RASGEF1A: variants seen among roughly 807,000 people sequenced by gnomAD.
The protein encoded by RASGEF1A is RasGEF domain family member 1A.
RASGEF1A carries 18 observed loss-of-function variants against 56.4 expected under a neutral mutation model. That is an observed-to-expected ratio of 0.32 (90% confidence interval 0.22 to 0.47). The LOEUF is 0.47. Among genes scored for constraint, RASGEF1A ranks in the 20% least tolerant of loss-of-function variants. RASGEF1A has a pLI of 1.00. For missense variants in RASGEF1A, 422 were observed against 627.1 expected (o/e 0.67, Z 3.49); for synonymous variants, 245 against 242.6 (o/e 1.01, Z -0.09).
rs1839781149 is a variant in RASGEF1A at position 43,195,349 on chromosome 10, G to A, written c.*895C>T. 1 of 152,224 alleles carries A rather than the reference G, an allele frequency of 6.6e-6. No individual in the cohort carries two copies. The highest frequency in any genetic ancestry group is 2.4e-5 in the African/African-American group (1 of 41,450). The allele number at this position is 152,224 out of a possible 1,614,324, so 9.4% of individuals were successfully genotyped here. On this transcript the variant is annotated 3_prime_UTR_variant, in exon 13 of 13. Transcript: ENST00000395810. The surrounding 1 kb of genome is among the most constrained non-coding windows in gnomAD (Gnocchi z 4.2). ...CAATTAGGGCGCTGCCTACCCAGGT[G>A]GGAAGAGGGCTGTTGGCTGCCCTCC...
chr10:43,257,907 A>G (rs1836452513), intron 1 of RASGEF1A, among the ~76,000 whole-genome samples: 1 of 152,234 alleles, frequency 6.6e-6, no homozygotes, highest in African/African-American at 2.4e-5. Context: ...GCTCTGGCCG[A>G]GGCAGACAGC....
rs1839798868 is a variant in RASGEF1A, at chr10:43,196,419, C to T, written c.1421+57G>A. 6.3e-7 allele frequency: 1 copy of T among 1,575,380 alleles called. No individual in the cohort carries two copies. The highest frequency in any genetic ancestry group is 1.7e-5 in the Admixed American group (1 of 59,918). ...CCTTTCCAGGAGGGTAACCCTCGTGCCCACCCTGAGTCCTCCCTCTTCCTT... is the reference window on the plus strand; with the variant it reads ...CCTTTCCAGGAGGGTAACCCTCGTGTCCACCCTGAGTCCTCCCTCTTCCTT... On this transcript the variant is annotated intron_variant, in intron 12 of 12. Coordinates refer to ENST00000395810, the MANE Select transcript of RASGEF1A (RefSeq NM_145313.4). The surrounding 1 kb of genome is among the most constrained non-coding windows in gnomAD (Gnocchi z 4.6).
At chr10:43,248,357 C>G (rs1461611219) in intron 1 of RASGEF1A, among the ~76,000 whole-genome samples, 1 of 100,246 alleles carries the variant, frequency 1.0e-5, no homozygotes, top group Admixed American at 1.4e-4. Context: ...CTATGAGACT[C>G]GGTCTTTAAA....
chr10:43,251,620 C>T (rs540366880), intron 1 of RASGEF1A, among the ~76,000 whole-genome samples: 7 of 152,342 alleles, frequency 4.6e-5, no homozygotes, highest in African/African-American at 9.6e-5. Context: ...CACCTCCAGA[C>T]GCAGTCAGGG....
chr10:43,199,856 G>T, intron 6 of RASGEF1A, 88 bp from the exon 7 acceptor site: 1 of 1,085,944 alleles, frequency 9.2e-7, no homozygotes. Context: ...CCCCAGCTAT[G>T]GCTCAGCCTG....
At chr10:43,257,354 G>C (rs1173742291) in intron 1 of RASGEF1A, among the ~76,000 whole-genome samples, 1 of 152,236 alleles carries the variant, frequency 6.6e-6, no homozygotes, top group African/African-American at 2.4e-5. Context: ...CCCTCACCAG[G>C]TGGGCAGCTC....
At position 43,263,508 on chromosome 10, in the gene RASGEF1A, C is replaced by T. The variant is rs372017684; in HGVS notation, c.-7+3337G>A. ...ATCTTTGCATCCCACGTATGAAGTGCCCACCCTGGGCTGTTCTGTCTAGAG... is the reference window on the plus strand; with the variant it reads ...ATCTTTGCATCCCACGTATGAAGTGTCCACCCTGGGCTGTTCTGTCTAGAG... On this transcript the variant is annotated intron_variant, in intron 1 of 12. Coordinates refer to ENST00000395810, the MANE Select transcript of RASGEF1A (RefSeq NM_145313.4). Among the ~76,000 whole-genome samples the T allele has an allele frequency of 1.1e-4, 17 of 152,292 alleles. No homozygotes were observed. In the South Asian group the frequency reaches 3.1e-3, roughly 28 times the overall value.
intron 1 of RASGEF1A, among the ~76,000 whole-genome samples, chr10:43,209,868 G>A (rs920407890): frequency 6.6e-6 from 1 of 152,166 alleles, no homozygotes; most frequent in Admixed American, 6.5e-5. Context: ...CCCAGAGCAG[G>A]AGCAGTACCT....
Position 43,200,818 on chromosome 10 carries a change from C to T in RASGEF1A, c.530G>A (p.Ser177Asn). Residue 177 changes from serine (S) to asparagine (N), a missense_variant, in exon 5 of 13, where the codon AGC becomes AAC. Around this residue, in one of 2 missense-constraint regions of RASGEF1A, gnomAD observed 273 missense variants for 339.9 expected, o/e 0.80. Coordinates refer to ENST00000395810, the MANE Select transcript of RASGEF1A (RefSeq NM_145313.4). ...QSLLLSLAAR[S>N]QLQELREKLR... is the part of the protein sequence containing the mutation. ...CTTCTCTCGCAGTTCCTGGAGCTGGCTCCGGGCAGCCAAGGACAGCAACAG... is the reference window on the plus strand; with the variant it reads ...CTTCTCTCGCAGTTCCTGGAGCTGGTTCCGGGCAGCCAAGGACAGCAACAG... The T allele has an allele frequency of 6.2e-7, 1 of 1,613,960 alleles. No individual in the cohort carries two copies. Among genetic ancestry groups the T allele is most frequent in the Non-Finnish European group, 8.5e-7 (1 of 1,180,032 alleles).
chr10:43,221,726 A>G (rs1222122307), intron 1 of RASGEF1A, among the ~76,000 whole-genome samples: 1 of 152,238 alleles, frequency 6.6e-6, no homozygotes, highest in African/African-American at 2.4e-5. Context: ...CCCGTGCTGC[A>G]TTCTAGCCCC....
At chr10:43,258,712 T>TGAG (rs1836473425) in intron 1 of RASGEF1A, among the ~76,000 whole-genome samples, 2 of 152,334 alleles carry the variant, frequency 1.3e-5, no homozygotes, top group South Asian at 4.1e-4. Context: ...GGACTGCCTC[T>TGAG]GTCTCCTCTT....
At position 43,197,345 on chromosome 10, in the gene RASGEF1A, G is replaced by GTC. The variant is rs1232140661; in HGVS notation, c.1225-248_1225-247dup. On this transcript the variant is annotated intron_variant, in intron 10 of 12. Transcript: ENST00000395810. Reference sequence around the variant, plus strand: ...CCTGGGCCATCAGGCCGGCAGCAGGGTCTCTGCCTGTCTGTGCAGGGACCC... The same window carrying GTC: ...CCTGGGCCATCAGGCCGGCAGCAGGGTCTCTCTGCCTGTCTGTGCAGGGACCC... Among the ~76,000 whole-genome samples the GTC allele has an allele frequency of 5.3e-5, 8 of 152,256 alleles. No homozygotes were observed. In the South Asian group the frequency reaches 8.3e-4, roughly 16 times the overall value.
chr10:43,206,630 T>C (rs1281195333), intron 1 of RASGEF1A: 1 of 989,614 alleles, frequency 1.0e-6, no homozygotes, highest in African/African-American at 1.7e-5. Flanking sequence ...AGGCTGCATG[T>C]GCTGCTTCAC....
At chr10:43,224,567 T>G (rs1198356011) in intron 1 of RASGEF1A, among the ~76,000 whole-genome samples, 1 of 152,214 alleles carries the variant, frequency 6.6e-6, no homozygotes, top group Admixed American at 6.5e-5. Flanking sequence ...CCATTCCTGG[T>G]GTGCACTCTT....
chr10:43,256,038 C>T (rs1420489410), intron 1 of RASGEF1A, among the ~76,000 whole-genome samples: 1 of 152,194 alleles, frequency 6.6e-6, no homozygotes, highest in Non-Finnish European at 1.5e-5. Context: ...CCCCCTAGAG[C>T]TACCATAGTG....
intron 1 of RASGEF1A, among the ~76,000 whole-genome samples, chr10:43,229,967 C>T (rs146877308): frequency 1.3e-5 from 2 of 151,968 alleles, no homozygotes; most frequent in South Asian, 2.1e-4. Context: ...CTGGGCCGGG[C>T]GCGCGCCTGG....
intron 1 of RASGEF1A, among the ~76,000 whole-genome samples, chr10:43,264,848 G>C (rs1056250576): frequency 6.6e-6 from 1 of 152,052 alleles, no homozygotes; most frequent in Non-Finnish European, 1.5e-5. Flanking sequence ...CAAACCCCCT[G>C]CCCCCATCCC....
chr10:43,228,377 G>A (rs909848850), intron 1 of RASGEF1A, among the ~76,000 whole-genome samples: 10 of 152,202 alleles, frequency 6.6e-5, no homozygotes, highest in Admixed American at 5.9e-4. Context: ...TCAGACCCCT[G>A]GTTGCTGGGG....
At position 43,196,352 on chromosome 10, in the gene RASGEF1A, C is replaced by A. The variant is rs1839797932; in HGVS notation, c.1422-84G>T. On this transcript the variant is annotated intron_variant, in intron 12 of 12. Transcript: ENST00000395810. This position sits in a 1 kb window ranked among gnomAD's most constrained non-coding sequence, Gnocchi z 4.6. The stretch of plus-strand genomic sequence containing the variant: ...CATCCTCAGCCTCCCACCAAACATG[C>A]ACCAGGGACCCTGGACCAGGGACGC... 2 of 1,577,224 alleles carry A rather than the reference C, an allele frequency of 1.3e-6. No homozygotes were observed. Among genetic ancestry groups the A allele is most frequent in the East Asian group, 2.2e-5 (1 of 44,486 alleles).
Sources: gnomAD v4.1 joint callset for allele counts (sites outside exome capture counted in the v4.1 genomes callset) on GRCh38, gnomAD v4.1.1 for gene constraint, gnomAD v4.1.1 regional missense constraint, Gnocchi (gnomAD v3.1) non-coding constraint, MANE v1.5 for transcripts, NCBI Gene and HGNC (gene_info 2026-07-23, HGNC 2026-07-21) for gene names.